The following APP variants were observed in gnomAD, a reference collection of about 807,000 sequenced individuals.
APP encodes the protein amyloid-beta precursor protein.
In APP, 31 loss-of-function variants were observed where a neutral mutation model predicts 101.4. That is an observed-to-expected ratio of 0.31 (90% CI 0.23 to 0.41). The LOEUF is 0.41. Among genes scored for constraint, APP ranks in the 10% least tolerant of loss-of-function variants. The pLI is 1.00. For missense variants in APP, 839 were observed against 1,003.7 expected (o/e 0.84, Z 2.22); for synonymous variants, 366 against 364.4 (o/e 1.00, Z -0.05).
At chr21:26,157,213 G>C (rs2063393505) in intron 1 of APP, among the ~76,000 whole-genome samples, 2 of 152,048 alleles carry the variant, frequency 1.3e-5, no homozygotes, top group South Asian at 4.2e-4. Context: ...GAGACTACAG[G>C]CATGCACCAC....
At chr21:26,082,186 T>A (rs2061612459) in intron 3 of APP, among the ~76,000 whole-genome samples, 1 of 152,126 alleles carries the variant, frequency 6.6e-6, no homozygotes, top group South Asian at 2.1e-4. Context: ...GCCATTGCAC[T>A]CCAGCCGGGG....
intron 1 of APP, among the ~76,000 whole-genome samples, chr21:26,134,858 GA>G (rs2062863472): frequency 1.3e-5 from 2 of 152,258 alleles, no homozygotes. Context: ...TATACATCAG[GA>G]AGACCAAATA....
chr21:25,905,448 T>C (rs2038739464), intron 14 of APP, among the ~76,000 whole-genome samples: 1 of 152,208 alleles, frequency 6.6e-6, no homozygotes, highest in Non-Finnish European at 1.5e-5. Flanking sequence ...CAGAAAACCT[T>C]AAAGATACTT....
intron 5 of APP, among the ~76,000 whole-genome samples, chr21:26,027,386 C>T (rs2044626686): frequency 6.6e-6 from 1 of 152,118 alleles, no homozygotes. Context: ...TCCAAACTGC[C>T]AGAGTCTAAA....
At chr21:25,986,194 T>C (rs1367020397) in intron 8 of APP, among the ~76,000 whole-genome samples, 1 of 152,144 alleles carries the variant, frequency 6.6e-6, no homozygotes, top group Non-Finnish European at 1.5e-5. Flanking sequence ...GCTCAAGGAA[T>C]GTCAGGATAT....
intron 13 of APP, among the ~76,000 whole-genome samples, chr21:25,920,983 A>T (rs371695193): frequency 6.8e-6 from 1 of 146,112 alleles, no homozygotes; most frequent in African/African-American, 2.6e-5. Flanking sequence ...TGGAAGTAAA[A>T]CTCTCCTCAG....
intron 13 of APP, among the ~76,000 whole-genome samples, chr21:25,943,848 A>G (rs940222558): frequency 6.6e-6 from 1 of 152,224 alleles, no homozygotes; most frequent in East Asian, 1.9e-4. Context: ...GTTAGTTTTT[A>G]TTTGACAAAA....
chr21:25,984,906 G>A (rs2042580281), intron 8 of APP, among the ~76,000 whole-genome samples: 1 of 152,114 alleles, frequency 6.6e-6, no homozygotes, highest in African/African-American at 2.4e-5. Flanking sequence ...TAGTCATCTG[G>A]CTGTAACTGT....
Position 26,051,074 on chromosome 21 carries a change from C to T in APP, c.588G>A (p.Val196=), listed in dbSNP as rs1305260340. ...CCPLAEESDN[V]DSADAEEDDS... ...CATCCTCCTCCGCATCAGCAGAATC[C>T]ACATTGTCACTTTCTTCAGCCAGTG... The change falls in exon 5 of 18, where the codon GTG becomes GTA. Residue 196 remains valine (V), a synonymous_variant. Transcript: ENST00000346798. The T allele has an allele frequency of 6.2e-7, 1 of 1,614,216 alleles. No homozygotes were observed.
intron 3 of APP, among the ~76,000 whole-genome samples, chr21:26,064,602 G>A (rs2046388400): frequency 6.6e-6 from 1 of 152,136 alleles, no homozygotes; most frequent in Non-Finnish European, 1.5e-5. Context: ...TCCAGTGGTG[G>A]TGGGTTGGAC....
chr21:26,008,225 T>C (rs970985445), intron 6 of APP, among the ~76,000 whole-genome samples: 1 of 152,210 alleles, frequency 6.6e-6, no homozygotes, highest in African/African-American at 2.4e-5. Context: ...GTTTATAAAA[T>C]GCCACCTGAA....
intron 6 of APP, among the ~76,000 whole-genome samples, chr21:26,019,528 TC>T (rs1466412134): frequency 0.013 from 2,054 of 152,322 alleles, 44 homozygotes; most frequent in African/African-American, 0.047. Context: ...GCTTTGTACT[TC>T]TTTGACTTCT....
At chr21:26,142,346 T>C (rs1002215621) in intron 1 of APP, among the ~76,000 whole-genome samples, 1 of 152,204 alleles carries the variant, frequency 6.6e-6, no homozygotes, top group African/African-American at 2.4e-5. Flanking sequence ...ATGTTGCTGC[T>C]GGCTCACTGC....
In APP at chr21:26,053,328, C is replaced by T. The variant is rs1183474845; in HGVS notation, c.376G>A (p.Ala126Thr). 4 of 1,613,062 alleles carry T rather than the reference C, an allele frequency of 2.5e-6. No individual in the cohort carries two copies. Among genetic ancestry groups the T allele is most frequent in the Admixed American group, 1.7e-5 (1 of 60,014 alleles). Residue 126 changes from alanine (A) to threonine (T), a missense_variant, in exon 4 of 18, where the codon GCC becomes ACC. By Grantham distance (58) the Ala-to-Thr change is moderately conservative (BLOSUM62 0). Transcript: ENST00000346798. The part of the protein sequence containing the change: ...RCLVGEFVSD[A>T]LLVPDKCKFL... ...TTGCACTTGTCAGGAACGAGAAGGGCATCACTTACAAACTCACCAACTGAA... is the reference window on the plus strand; with the variant it reads ...TTGCACTTGTCAGGAACGAGAAGGGTATCACTTACAAACTCACCAACTGAA...
intron 1 of APP, among the ~76,000 whole-genome samples, chr21:26,121,161 G>C (rs1210951700): frequency 1.3e-5 from 2 of 152,178 alleles, no homozygotes; most frequent in East Asian, 3.8e-4. Context: ...CAAAGTTAAA[G>C]CCTCAGTTAT....
At chr21:26,108,672 G>A (rs1601483085) in intron 2 of APP, among the ~76,000 whole-genome samples, 1 of 152,206 alleles carries the variant, frequency 6.6e-6, no homozygotes, top group East Asian at 1.9e-4. Flanking sequence ...TGGATCGCAA[G>A]GTCAGGAGTT....
At chr21:26,003,685 C>T (rs2043391057) in intron 6 of APP, among the ~76,000 whole-genome samples, 1 of 152,228 alleles carries the variant, frequency 6.6e-6, no homozygotes, top group African/African-American at 2.4e-5. Flanking sequence ...TTCTCATCTG[C>T]TGACATGGAG....
At chr21:25,981,035 G>T (rs1373034907) in intron 9 of APP, among the ~76,000 whole-genome samples, 1 of 152,172 alleles carries the variant, frequency 6.6e-6, no homozygotes, top group African/African-American at 2.4e-5. Context: ...ACCTGGTCCT[G>T]GGGTGATTAG....
At chr21:25,919,941 T>G (rs1333038761) in intron 13 of APP, among the ~76,000 whole-genome samples, 2,629 of 81,618 alleles carry the variant, frequency 0.032, no homozygotes, top group Non-Finnish European at 0.036. Context: ...TCACCAAAGT[T>G]GAAATGAAGG....
Sources: allele counts gnomAD v4.1 joint callset (sites outside exome capture counted in the v4.1 genomes callset), GRCh38; gene constraint gnomAD v4.1.1; transcripts MANE v1.5; gene names NCBI Gene and HGNC (gene_info 2026-07-23, HGNC 2026-07-21).